The following MBD5 variants were observed in gnomAD, a reference collection of about 807,000 sequenced individuals.
The protein encoded by MBD5 is methyl-CpG-binding domain protein 5.
MBD5 carries 13 observed loss-of-function variants against 117.3 expected under a neutral mutation model. The ratio of observed to expected loss-of-function variants is 0.11; its 90% CI spans 0.07 to 0.18. The LOEUF (loss-of-function observed/expected upper bound fraction) is 0.18, where lower values mean the gene tolerates loss of function less well. Ranked by LOEUF, MBD5 falls within the 10% of genes least tolerant of loss-of-function variation. The pLI is 1.00. For synonymous variants in MBD5, 727 were observed against 766.4 expected (o/e 0.95, Z 0.85); for missense variants, 1,879 against 2,093.8 (o/e 0.90, Z 2.00).
intron 2 of MBD5, among the ~76,000 whole-genome samples, chr2:148,187,843 G>T (rs1462979003): frequency 6.6e-6 from 1 of 152,098 alleles, no homozygotes; most frequent in Non-Finnish European, 1.5e-5. Flanking sequence ...TCAGAAGAAT[G>T]AAGAGCCCCA....
intron 2 of MBD5, among the ~76,000 whole-genome samples, chr2:148,210,586 G>A (rs1261628430): frequency 6.6e-6 from 1 of 151,520 alleles, no homozygotes; most frequent in Non-Finnish European, 1.5e-5. Context: ...TAAATATTGG[G>A]AGCTGCTTAA....
chr2:148,241,870 T>C (rs1700223131), intron 3 of MBD5, among the ~76,000 whole-genome samples: 1 of 152,236 alleles, frequency 6.6e-6, no homozygotes, highest in African/African-American at 2.4e-5. Flanking sequence ...TTATTGGCTT[T>C]AGTATTTTTT....
At chr2:148,509,052 C>T (rs988564292) in intron 12 of MBD5, among the ~76,000 whole-genome samples, 3 of 152,184 alleles carry the variant, frequency 2.0e-5, no homozygotes, top group Non-Finnish European at 4.4e-5. Context: ...AACTCTCCCA[C>T]GACTGCAAAT....
chr2:148,334,458 A>G (rs1341953707), intron 3 of MBD5, among the ~76,000 whole-genome samples: 2 of 151,818 alleles, frequency 1.3e-5, no homozygotes, highest in African/African-American at 4.8e-5. Context: ...TTAGTCCCCC[A>G]AGCAGTTGAG....
Position 148,288,711 on chromosome 2 carries a change from C to T in MBD5, c.-679-53503C>T, listed in dbSNP as rs183460571. Among the ~76,000 whole-genome samples, 46 of 151,702 alleles carry T rather than the reference C, an allele frequency of 3.0e-4. No individual in the cohort carries two copies. The East Asian group carries it at 9.0e-3, about 30-fold the overall frequency. The stretch of plus-strand genomic sequence containing the variant: ...CAGGGATGTGTGTAGTGTAATCTAT[C>T]ACAGGATACTTTGTTAGAAGTGAGT... On this transcript the variant is annotated intron_variant, in intron 3 of 13. Coordinates refer to ENST00000642680, the MANE Select transcript of MBD5 (RefSeq NM_001378120.1).
At chr2:148,133,545 C>T (rs569819638) in intron 1 of MBD5, among the ~76,000 whole-genome samples, 9 of 152,286 alleles carry the variant, frequency 5.9e-5, no homozygotes, top group East Asian at 1.9e-4. Flanking sequence ...CATACTAGGC[C>T]GGGCACAGTG....
At chr2:148,510,567 G>A (rs1682187092) in intron 13 of MBD5, among the ~76,000 whole-genome samples, 6 of 152,204 alleles carry the variant, frequency 3.9e-5, no homozygotes, top group Admixed American at 3.9e-4. Flanking sequence ...ATTGAACTGT[G>A]CATATAATAG....
At chr2:148,382,681 C>A (rs1394793247) in intron 4 of MBD5, among the ~76,000 whole-genome samples, 1 of 152,130 alleles carries the variant, frequency 6.6e-6, no homozygotes, top group Non-Finnish European at 1.5e-5. Context: ...CACACCTATT[C>A]CAAAACTGAC....
At chr2:148,266,457 T>C (rs921029549) in intron 3 of MBD5, among the ~76,000 whole-genome samples, 2 of 152,024 alleles carry the variant, frequency 1.3e-5, no homozygotes, top group African/African-American at 4.8e-5. Flanking sequence ...AGCATGCCAC[T>C]TTAAAGTATG....
chr2:148,041,867 TAAAC>T (rs1488430663), intron 1 of MBD5, among the ~76,000 whole-genome samples: 1 of 152,164 alleles, frequency 6.6e-6, no homozygotes, highest in African/African-American at 2.4e-5. Context: ...ACTTTCTTCT[TAAAC>T]AAATAAGAAA....
rs116418670 is a variant in MBD5, at chr2:148,232,752, A to G, written c.-830-493A>G. On this transcript the variant is annotated intron_variant, in intron 2 of 13. Coordinates refer to ENST00000642680, the MANE Select transcript of MBD5 (RefSeq NM_001378120.1). ...CTATATTATATTTTAACAAAATAAT[A>G]TCTTTTAGGTATCTGTTGCGTGAAT... Among the ~76,000 whole-genome samples the G allele has an allele frequency of 3.2e-3, 479 of 151,940 alleles. 2 individuals carry two copies. Among genetic ancestry groups the G allele is most frequent in the African/African-American group, 0.011 (446 of 41,442 alleles).
intron 3 of MBD5, among the ~76,000 whole-genome samples, chr2:148,279,703 A>G (rs992130542): frequency 1.8e-4 from 28 of 152,122 alleles, no homozygotes; most frequent in African/African-American, 6.5e-4. Flanking sequence ...AGCTGGATTT[A>G]TTTTTCTAAT....
chr2:148,064,978 G>A lies in MBD5; in HGVS notation c.-925+43294G>A, dbSNP rs1265957789. 2.6e-5 allele frequency among the ~76,000 whole-genome samples: 4 copies of A among 152,144 alleles called. No individual in the cohort carries two copies. The East Asian group carries it at 7.7e-4, about 29-fold the overall frequency. On this transcript the variant is annotated intron_variant, in intron 1 of 13. Transcript: ENST00000642680. ...CTTCCTAAAATTATGGTTCCTGCTT[G>A]TGTCCTACTTCTTTCAGGCCCCATA...
At chr2:148,409,622 G>A (rs774441503) in intron 4 of MBD5, among the ~76,000 whole-genome samples, 2 of 151,994 alleles carry the variant, frequency 1.3e-5, no homozygotes, top group South Asian at 4.2e-4. Flanking sequence ...ATAAGTAGAC[G>A]CTCACTACAT....
intron 1 of MBD5, among the ~76,000 whole-genome samples, chr2:148,128,834 T>G (rs1696964177): frequency 6.6e-6 from 1 of 152,194 alleles, no homozygotes; most frequent in Admixed American, 6.5e-5. Context: ...AAAAAAAACT[T>G]AGTTAAAAGT....
chr2:148,421,577 C>A (rs1705608294), intron 4 of MBD5, among the ~76,000 whole-genome samples: 2 of 151,542 alleles, frequency 1.3e-5, no homozygotes, highest in Non-Finnish European at 2.9e-5. Flanking sequence ...GCCAGTGAGA[C>A]AGAACACATT....
chr2:148,076,404 C>T (rs1353741302), intron 1 of MBD5, among the ~76,000 whole-genome samples: 1 of 152,178 alleles, frequency 6.6e-6, no homozygotes, highest in African/African-American at 2.4e-5. Flanking sequence ...TTCTTGCTCT[C>T]CTTGCATGTC....
At chr2:148,304,508 GCTT>G (rs1318921250) in intron 3 of MBD5, among the ~76,000 whole-genome samples, 2 of 152,120 alleles carry the variant, frequency 1.3e-5, no homozygotes, top group Non-Finnish European at 2.9e-5. Context: ...AGCTTTTCAA[GCTT>G]CTTTTCATTC....
intron 1 of MBD5, among the ~76,000 whole-genome samples, chr2:148,160,159 G>A (rs1697972249): frequency 6.6e-6 from 1 of 152,168 alleles, no homozygotes; most frequent in Admixed American, 6.5e-5. Flanking sequence ...CAGCACTTTG[G>A]GAGGCCGAGG....
Sources: allele counts gnomAD v4.1 joint callset (sites outside exome capture counted in the v4.1 genomes callset), GRCh38; gene constraint gnomAD v4.1.1; transcripts MANE v1.5; gene names NCBI Gene and HGNC (gene_info 2026-07-23, HGNC 2026-07-21).